OSBP2: variants seen among roughly 807,000 people sequenced by gnomAD.
The protein encoded by OSBP2 is oxysterol-binding protein 2.
A neutral mutation model predicts 96.0 loss-of-function variants in OSBP2; 66 were observed. The observed-to-expected ratio is 0.69, with a 90% CI of 0.56 to 0.84. The LOEUF (loss-of-function observed/expected upper bound fraction) is 0.84, where lower values mean the gene tolerates loss of function less well. Ranked by LOEUF, OSBP2 falls within the 40% of genes least tolerant of loss-of-function variation. The pLI, the probability that OSBP2 is intolerant of heterozygous loss-of-function variation, is 0.00. For missense variants in OSBP2, 1,038 were observed against 1,222.7 expected, an observed-to-expected ratio of 0.85 and a Z score of 2.25; for synonymous variants, 525 against 520.9, an observed-to-expected ratio of 1.01 and a Z score of -0.11.
At chr22:30,845,824 T>G (rs2038857114) in intron 2 of OSBP2, among the ~76,000 whole-genome samples, 1 of 137,704 alleles carries the variant, frequency 7.3e-6, no homozygotes, top group African/African-American at 2.8e-5. Context: ...GAGGTTGCAG[T>G]GAGCTGAGAT....
rs200318257 is a variant in OSBP2, at chr22:30,800,938, A to C, written c.853+59569A>C. On this transcript the variant is annotated intron_variant, in intron 2 of 13. Transcript: ENST00000332585. ...TGTCTGTCTCTGTGTGAGTGTGTTT[A>C]GAAATTGGCTTCTCTGGGTTCCTCG... 2.6e-5 allele frequency among the ~76,000 whole-genome samples: 4 copies of C among 152,158 alleles called. No individual in the cohort carries two copies. In the East Asian group the frequency reaches 7.7e-4, roughly 29 times the overall value.
At chr22:30,897,648 A>C (rs2040093921) in intron 12 of OSBP2, among the ~76,000 whole-genome samples, 1 of 152,238 alleles carries the variant, frequency 6.6e-6, no homozygotes, top group Non-Finnish European at 1.5e-5. Flanking sequence ...ATGATATAAA[A>C]GATATTTGGC....
At chr22:30,896,271 C>T (rs1349220563) in intron 12 of OSBP2, among the ~76,000 whole-genome samples, 2 of 152,048 alleles carry the variant, frequency 1.3e-5, no homozygotes, top group Admixed American at 1.3e-4. Context: ...CGGCACACCT[C>T]GGCCTCCCAA....
chr22:30,900,414 T>C (rs1004923882), intron 12 of OSBP2, among the ~76,000 whole-genome samples: 33 of 152,026 alleles, frequency 2.2e-4, no homozygotes, highest in Non-Finnish European at 3.5e-4. Flanking sequence ...ATAGAAAGTA[T>C]TGTAAAGATG....
chr22:30,851,187 G>A (rs1415372427), intron 2 of OSBP2, among the ~76,000 whole-genome samples: 1 of 151,948 alleles, frequency 6.6e-6, no homozygotes, highest in African/African-American at 2.4e-5. Context: ...TCAGCCTCCT[G>A]AGTAGCTAGA....
At chr22:30,813,756 G>A (rs986232427) in intron 2 of OSBP2, among the ~76,000 whole-genome samples, 2 of 151,808 alleles carry the variant, frequency 1.3e-5, no homozygotes, top group African/African-American at 4.8e-5. Flanking sequence ...CAGTGGTGTG[G>A]GGACAGCTGG....
At chr22:30,785,748 T>C (rs136300) in intron 2 of OSBP2, among the ~76,000 whole-genome samples, 28,000 of 151,992 alleles carry the variant, frequency 0.18, 2,694 homozygotes, top group Middle Eastern at 0.23. Context: ...GGGGGCAGAT[T>C]TCCCCCCTGC....
At chr22:30,722,891 C>G (rs1232653339) in intron 1 of OSBP2, among the ~76,000 whole-genome samples, 1 of 149,984 alleles carries the variant, frequency 6.7e-6, no homozygotes. Flanking sequence ...CTCAAGTGAT[C>G]CTCCCACCTA....
intron 2 of OSBP2, among the ~76,000 whole-genome samples, chr22:30,785,083 GTTCT>G (rs949134017): frequency 6.6e-6 from 1 of 151,974 alleles, no homozygotes; most frequent in African/African-American, 2.4e-5. Context: ...CTCCTTTACT[GTTCT>G]TTAATTTTTA....
At chr22:30,714,546 A>G (rs1162948292) in intron 1 of OSBP2, among the ~76,000 whole-genome samples, 2 of 152,138 alleles carry the variant, frequency 1.3e-5, no homozygotes, top group Non-Finnish European at 2.9e-5. Context: ...TCCTGCAAAT[A>G]TGAAACTCTA....
At chr22:30,736,466 A>T (rs2089857335) in intron 1 of OSBP2, among the ~76,000 whole-genome samples, 1 of 152,110 alleles carries the variant, frequency 6.6e-6, no homozygotes, top group East Asian at 1.9e-4. Flanking sequence ...TGACATTGGG[A>T]ATATCTCCCA....
intron 2 of OSBP2, among the ~76,000 whole-genome samples, chr22:30,779,567 T>C (rs1052035766): frequency 1.3e-5 from 2 of 152,010 alleles, no homozygotes; most frequent in Non-Finnish European, 2.9e-5. Context: ...GGCGGTATGG[T>C]CACCTAGCAC....
Position 30,881,646 on chromosome 22 carries a change from C to T in OSBP2, c.1108-5780C>T. 7.7e-7 allele frequency: 1 copy of T among 1,301,138 alleles called. No homozygotes were observed. The allele number at this position is 1,301,138 out of a possible 1,614,324, so 80.6% of individuals were successfully genotyped here. A position where few individuals can be genotyped will look rare whatever the true frequency, so the allele number is the denominator to read the frequency against. On this transcript the variant is annotated intron_variant, in intron 3 of 13. Transcript: ENST00000332585. The surrounding 1 kb of genome is among the most constrained non-coding windows in gnomAD (Gnocchi z 4.5). ...CCCTCTGCCGGGCCCCAAGCCTAAT[C>T]CAGCTTATCAAGCACACAGCACACA...
intron 1 of OSBP2, among the ~76,000 whole-genome samples, chr22:30,737,289 T>C (rs988747356): frequency 6.6e-6 from 1 of 151,492 alleles, no homozygotes; most frequent in Non-Finnish European, 1.5e-5. Flanking sequence ...GTGCTGGGAT[T>C]ACAGGCGTGA....
At chr22:30,707,896 T>C (rs2089280881) in intron 1 of OSBP2, among the ~76,000 whole-genome samples, 1 of 151,546 alleles carries the variant, frequency 6.6e-6, no homozygotes, top group African/African-American at 2.4e-5. Flanking sequence ...CTTTTTTCTT[T>C]TTTTTTTTGA....
intron 2 of OSBP2, among the ~76,000 whole-genome samples, chr22:30,746,597 C>G (rs1175404297): frequency 6.9e-6 from 1 of 143,964 alleles, no homozygotes. Flanking sequence ...TCAAGCGATT[C>G]TCCTGCCTCA....
At position 30,907,782 on chromosome 22, in the gene OSBP2, T is replaced by C. The variant is rs1300873027; in HGVS notation, c.*1443T>C. 1 of 152,650 alleles carries C rather than the reference T, an allele frequency of 6.6e-6. No homozygotes were observed. Among genetic ancestry groups the C allele is most frequent in the African/African-American group, 2.4e-5 (1 of 41,432 alleles). 9.5% of individuals were successfully genotyped at this position (152,650 alleles called of 1,614,324 possible). On this transcript the variant is annotated 3_prime_UTR_variant, in exon 14 of 14. Coordinates refer to ENST00000332585, the MANE Select transcript of OSBP2 (RefSeq NM_030758.4). The stretch of plus-strand genomic sequence containing the variant: ...AACACTGTTTTGTTAGCGAGCACCT[T>C]TTGACCAGTAATAAAAAACCTTGGC...
At chr22:30,883,741 A>T (rs1250773286) in intron 3 of OSBP2, among the ~76,000 whole-genome samples, 2 of 152,062 alleles carry the variant, frequency 1.3e-5, no homozygotes, top group Non-Finnish European at 2.9e-5. Flanking sequence ...GGGCTTCTGT[A>T]AGGGTCTGGA....
chr22:30,717,090 T>TTGTGTGTGTG (rs35377469), intron 1 of OSBP2, among the ~76,000 whole-genome samples: 1,457 of 118,360 alleles, frequency 0.012, 24 homozygotes, highest in Middle Eastern at 0.016. Flanking sequence ...TTTACTGTTT[T>TTGTGTGTGTG]TGTGTGTGTG....
Sources: gnomAD v4.1 joint callset for allele counts (sites outside exome capture counted in the v4.1 genomes callset) on GRCh38, gnomAD v4.1.1 for gene constraint, Gnocchi (gnomAD v3.1) non-coding constraint, MANE v1.5 for transcripts, NCBI Gene and HGNC (gene_info 2026-07-23, HGNC 2026-07-21) for gene names.